RNF121: variants seen among roughly 807,000 people sequenced by gnomAD.
RNF121 encodes the protein E3 ubiquitin ligase RNF121.
Under a neutral mutation model 46.5 loss-of-function variants are expected in RNF121, and 21 were observed. The observed-to-expected ratio is 0.45, with a 90% CI of 0.32 to 0.65. The LOEUF is 0.65. Among genes scored for constraint, RNF121 ranks in the 30% least tolerant of loss-of-function variants. The pLI is 0.04. For missense variants in RNF121, 346 were observed against 416.0 expected, an observed-to-expected ratio of 0.83 and a Z score of 1.46; for synonymous variants, 139 against 144.7, an observed-to-expected ratio of 0.96 and a Z score of 0.28.
chr11:71,959,732 T>G (rs1954083972), intron 2 of RNF121, among the ~76,000 whole-genome samples: 1 of 151,554 alleles, frequency 6.6e-6, no homozygotes. Context: ...ACCTCCCAGG[T>G]TCAAGTGATT....
chr11:71,949,526 C>T (rs1193783259), intron 1 of RNF121, among the ~76,000 whole-genome samples: 1 of 151,760 alleles, frequency 6.6e-6, no homozygotes. Context: ...ACCAACCTGG[C>T]CAACATGGTG....
At chr11:71,935,099 GC>G (rs1001611110) in intron 1 of RNF121, among the ~76,000 whole-genome samples, 2 of 152,014 alleles carry the variant, frequency 1.3e-5, no homozygotes, top group African/African-American at 4.8e-5. Flanking sequence ...GCACCACCAT[GC>G]CTGGCTAATT....
rs375282295 is a variant in RNF121 at position 71,995,394 on chromosome 11, C to T, written c.762-56C>T. The stretch of plus-strand genomic sequence containing the variant: ...AGGATTTGAACCTTTCAAAGACTGT[C>T]TGGGGCTGGAGTGCCGCCCTGGCTC... On this transcript the variant is annotated intron_variant, in intron 7 of 8. Transcript: ENST00000361756. 6.8e-5 allele frequency: 95 copies of T among 1,391,792 alleles called. 1 individual carries two copies. In the South Asian group the frequency reaches 1.1e-3, roughly 17 times the overall value. The allele number at this position is 1,391,792 out of a possible 1,614,324, so 86.2% of individuals were successfully genotyped here.
intron 5 of RNF121, among the ~76,000 whole-genome samples, chr11:71,987,684 A>T (rs1954796117): frequency 1.3e-5 from 2 of 152,188 alleles, no homozygotes; most frequent in Admixed American, 6.5e-5. Context: ...CAAAACCTAA[A>T]ATATTTACCA....
In RNF121 at chr11:71,929,116, C is replaced by G. The variant is rs1216995959; in HGVS notation, c.55C>G (p.Leu19Val). The G allele has an allele frequency of 1.3e-6, 2 of 1,551,330 alleles. No individual in the cohort carries two copies. Among genetic ancestry groups the G allele is most frequent in the South Asian group, 1.2e-5 (1 of 84,000 alleles). Residue 19 changes from leucine to valine, a missense_variant, in exon 1 of 9, where the codon CTG becomes GTG. This residue lies in a region of RNF121 where 60 missense variants were observed against 32.2 expected (regional missense o/e 1.86). Transcript: ENST00000361756. The part of the protein sequence containing the change: ...VGGGAAGERE[L>V]DEVDMSDLSP... ...AGGTGGTGCTGCTGGGGAACGGGAG[C>G]TGGATGAGGTAAGCGGAGTTGAGAG... is the stretch of plus-strand genomic sequence containing the variant.
intron 1 of RNF121, among the ~76,000 whole-genome samples, chr11:71,940,935 TGAAAA>T (rs1210556908): frequency 2.0e-5 from 3 of 152,190 alleles, no homozygotes; most frequent in African/African-American, 7.2e-5. Flanking sequence ...TCCAGCAAAA[TGAAAA>T]GATATGCAAG....
intron 3 of RNF121, among the ~76,000 whole-genome samples, chr11:71,980,306 G>A (rs915847167): frequency 2.0e-5 from 3 of 151,612 alleles, no homozygotes; most frequent in Non-Finnish European, 4.4e-5. Context: ...TCTCTGTTCT[G>A]TTCTGTTCTC....
At chr11:71,972,914 C>T (rs1000023116) in intron 3 of RNF121, among the ~76,000 whole-genome samples, 3 of 152,096 alleles carry the variant, frequency 2.0e-5, no homozygotes, top group Non-Finnish European at 2.9e-5. Flanking sequence ...CGGCTGGGTG[C>T]GGTGGCTCAT....
intron 1 of RNF121, among the ~76,000 whole-genome samples, chr11:71,952,454 AT>A (rs1157297455): frequency 6.6e-6 from 1 of 152,222 alleles, no homozygotes; most frequent in Admixed American, 6.5e-5. Flanking sequence ...ATTTTTTAAA[AT>A]TTTAAATTGA....
chr11:71,966,779 C>T (rs1413867475), intron 3 of RNF121, among the ~76,000 whole-genome samples: 1 of 151,950 alleles, frequency 6.6e-6, no homozygotes, highest in Non-Finnish European at 1.5e-5. Flanking sequence ...TGAGCCACCA[C>T]AATTGGCCTT....
intron 1 of RNF121, among the ~76,000 whole-genome samples, chr11:71,947,482 T>C (rs1385723721): frequency 2.9e-5 from 1 of 35,052 alleles, no homozygotes; most frequent in Non-Finnish European, 9.0e-5. Context: ...AAGACCTGTC[T>C]CAAAAAAAAA....
chr11:71,990,408 G>C (rs1715054840), intron 5 of RNF121, among the ~76,000 whole-genome samples, 189 bp from the exon 6 acceptor site: 1 of 152,198 alleles, frequency 6.6e-6, no homozygotes, highest in Non-Finnish European at 1.5e-5. Flanking sequence ...GTGCTAGCTA[G>C]CCTCCTCAAG....
intron 4 of RNF121, among the ~76,000 whole-genome samples, chr11:71,985,169 C>T (rs911006853): frequency 6.6e-6 from 1 of 152,056 alleles, no homozygotes; most frequent in Non-Finnish European, 1.5e-5. Flanking sequence ...TCAAAGAATC[C>T]TCCCACTTCA....
intron 1 of RNF121, among the ~76,000 whole-genome samples, chr11:71,935,200 T>A (rs1244170919): frequency 1.3e-5 from 2 of 152,218 alleles, no homozygotes; most frequent in African/African-American, 4.8e-5. Flanking sequence ...CCCAAAGTGT[T>A]GGGATTACAG....
chr11:71,975,826 A>G (rs1364091758), intron 3 of RNF121, among the ~76,000 whole-genome samples: 1 of 152,218 alleles, frequency 6.6e-6, no homozygotes, highest in African/African-American at 2.4e-5. Context: ...TCTGAAAGAT[A>G]AGAGTTGGAC....
At chr11:71,932,431 C>G (rs902614516) in intron 1 of RNF121, among the ~76,000 whole-genome samples, 4 of 152,240 alleles carry the variant, frequency 2.6e-5, no homozygotes, top group Admixed American at 6.5e-5. Flanking sequence ...CCATGCTATA[C>G]TGAGCACCTG....
rs375480408 is a variant in RNF121, at chr11:71,976,938, A to G, written c.244-5823A>G. On this transcript the variant is annotated intron_variant, in intron 3 of 8. Transcript: ENST00000361756. Reference sequence around the variant, plus strand: ...TTTGATCTTATTTCTTCTATTTTCCATGTTCACTGCCTCCCTTTCCCTCCC... The same window carrying G: ...TTTGATCTTATTTCTTCTATTTTCCGTGTTCACTGCCTCCCTTTCCCTCCC... Among the ~76,000 whole-genome samples, 5 of 152,234 alleles carry G rather than the reference A, an allele frequency of 3.3e-5. No individual in the cohort carries two copies. In the East Asian group the frequency reaches 7.7e-4, roughly 23 times the overall value.
chr11:71,937,138 T>C (rs1953436593), intron 1 of RNF121, among the ~76,000 whole-genome samples: 1 of 152,192 alleles, frequency 6.6e-6, no homozygotes, highest in South Asian at 2.1e-4. Flanking sequence ...TGCTTTCTGC[T>C]CCCGTAGCGC....
chr11:71,986,913 C>A, intron 4 of RNF121, 91 bp from the exon 5 acceptor site: 1 of 780,428 alleles, frequency 1.3e-6, no homozygotes, highest in South Asian at 1.4e-5. Flanking sequence ...CTGGTGTCCC[C>A]ATTGATGTGA....
Sources: gnomAD v4.1 joint callset for allele counts (sites outside exome capture counted in the v4.1 genomes callset) on GRCh38, gnomAD v4.1.1 for gene constraint, gnomAD v4.1.1 regional missense constraint, MANE v1.5 for transcripts, NCBI Gene and HGNC (gene_info 2026-07-23, HGNC 2026-07-21) for gene names.